Variants in UNC13A observed in about 807,000 individuals in gnomAD.
UNC13A encodes unc-13 homolog A, also known as protein unc-13 homolog A.
UNC13A carries 61 observed loss-of-function variants against 219.7 expected under a neutral mutation model. That is an observed-to-expected ratio of 0.28 (90% confidence interval 0.23 to 0.34). The LOEUF is 0.34. Among genes scored for constraint, UNC13A ranks in the 10% least tolerant of loss-of-function variants. UNC13A has a pLI of 1.00. For synonymous variants in UNC13A, 920 were observed against 884.6 expected, an observed-to-expected ratio of 1.04 and a Z score of -0.71; for missense variants, 1,476 against 2,270.3, an observed-to-expected ratio of 0.65 and a Z score of 7.11.
chr19:17,622,277 A>G (rs1450821098), intron 36 of UNC13A, among the ~76,000 whole-genome samples: 1 of 152,192 alleles, frequency 6.6e-6, no homozygotes, highest in African/African-American at 2.4e-5. Context: ...ATTCTGGCAT[A>G]TATTTACTAT....
chr19:17,608,351 T>A (rs938076689), intron 43 of UNC13A, among the ~76,000 whole-genome samples: 3 of 119,648 alleles, frequency 2.5e-5, no homozygotes, highest in Admixed American at 1.0e-4. Context: ...TAATTTTATA[T>A]ATAATATAAA....
chr19:17,630,716 C>T lies in UNC13A; in HGVS notation c.3463G>A (p.Glu1155Lys). 6.2e-7 allele frequency: 1 copy of T among 1,613,902 alleles called. No homozygotes were observed. The highest frequency in any genetic ancestry group is 8.5e-7 in the Non-Finnish European group (1 of 1,179,876). The change falls in exon 29 of 44, where the codon GAG (glutamate) becomes AAG (lysine). Residue 1155 changes from glutamate to lysine, a missense_variant. Coordinates refer to ENST00000519716, the MANE Select transcript of UNC13A (RefSeq NM_001080421.3). ...AAATCCCGGGACACCTCCTCATTCT[C>T]ATCCAGCCACTGGATGACGAAGGGT... ...FEPFVIQWLD[E>K]NEEVSRDFLH...
chr19:17,664,179 A>T (rs1272079536), intron 7 of UNC13A, among the ~76,000 whole-genome samples: 3 of 152,032 alleles, frequency 2.0e-5, no homozygotes, highest in Non-Finnish European at 2.9e-5. Context: ...TCTGACTATG[A>T]TGTCTAGGGT....
Position 17,674,609 on chromosome 19 carries a change from G to T in UNC13A, c.152+48C>A. On this transcript the variant is annotated intron_variant, in intron 3 of 43. Coordinates refer to ENST00000519716, the MANE Select transcript of UNC13A (RefSeq NM_001080421.3). This position sits in a 1 kb window ranked among gnomAD's most constrained non-coding sequence, Gnocchi z 5.0. ...CTCTGCCCTGAGGGGCCAGCGAGGT[G>T]CTGGGCTATGCCAGGGAGTGAGGTC... 6.4e-7 allele frequency: 1 copy of T among 1,561,242 alleles called. No individual in the cohort carries two copies. Among genetic ancestry groups the T allele is most frequent in the Non-Finnish European group, 8.8e-7 (1 of 1,134,478 alleles).
chr19:17,624,928 A>G lies in UNC13A; in HGVS notation c.4098T>C (p.Cys1366=). The G allele has an allele frequency of 6.2e-7, 1 of 1,613,678 alleles. No homozygotes were observed. The highest frequency in any genetic ancestry group is 1.3e-5 in the African/African-American group (1 of 75,030). The change falls in exon 35 of 44, where the codon TGT becomes TGC. Residue 1366 remains cysteine, a synonymous_variant. Transcript: ENST00000519716. ...DSNLTLFAKI[C]EKTVLKRVLK... ...GCACTCGCTTCAGCACAGTCTTCTC[A>G]CAGATTTTGGCAAAGAGGGTCAGGC...
intron 37 of UNC13A, among the ~76,000 whole-genome samples, chr19:17,621,192 C>G (rs2076726341): frequency 6.6e-6 from 1 of 152,144 alleles, no homozygotes; most frequent in Non-Finnish European, 1.5e-5. Context: ...GGCACGTACA[C>G]AATTATATCA....
chr19:17,664,870 G>A (rs10421106), intron 7 of UNC13A, among the ~76,000 whole-genome samples: 37,821 of 152,066 alleles, frequency 0.25, 5,558 homozygotes, highest in African/African-American at 0.41. Flanking sequence ...GATACAGGGA[G>A]AGCTGTGAGA....
At chr19:17,669,873 CT>C (rs2079747042) in intron 4 of UNC13A, among the ~76,000 whole-genome samples, 197 bp from the exon 5 acceptor site, 1 of 139,764 alleles carries the variant, frequency 7.2e-6, no homozygotes, top group Non-Finnish European at 1.6e-5. Flanking sequence ...TCCTTTCTTT[CT>C]TTCCCTTCCT....
chr19:17,645,746 CAG>C lies in UNC13A; in HGVS notation c.2282_2283del (p.Ser761Ter). The C allele has an allele frequency of 6.2e-7, 1 of 1,614,224 alleles. No individual in the cohort carries two copies. The highest frequency in any genetic ancestry group is 8.5e-7 in the Non-Finnish European group (1 of 1,180,034). ...ATGATCGTCTGCCCCAGGAAATCGTCAGATTCCCTCTTGAACCTCTGTTTCAC... is the reference window on the plus strand; with the variant it reads ...ATGATCGTCTGCCCCAGGAAATCGTCATTCCCTCTTGAACCTCTGTTTCAC... Reference protein sequence around the residue: ...SRVKQRFKRESDDFLGQTIIE... With the variant: ...SRVKQRFKREXDDFLGQTIIE... On this transcript the variant is annotated frameshift_variant, in exon 19 of 44. Coordinates refer to ENST00000519716, the MANE Select transcript of UNC13A (RefSeq NM_001080421.3). LOFTEE classifies it high-confidence loss of function.
chr19:17,641,603 C>A (rs772676008), intron 20 of UNC13A, 47 bp from the exon 21 acceptor site: 11 of 1,594,204 alleles, frequency 6.9e-6, no homozygotes, highest in Non-Finnish European at 9.4e-6. Context: ...AAGGGGTCGC[C>A]GGGGGTCAGA....
At chr19:17,644,765 C>T (rs977174276) in intron 19 of UNC13A, among the ~76,000 whole-genome samples, 11 of 152,122 alleles carry the variant, frequency 7.2e-5, no homozygotes, top group Admixed American at 5.2e-4. Flanking sequence ...GATCACAGCT[C>T]ACTGCAGCCT....
intron 42 of UNC13A, among the ~76,000 whole-genome samples, chr19:17,610,508 C>CA (rs1212621661): frequency 4.6e-5 from 7 of 152,222 alleles, no homozygotes; most frequent in Non-Finnish European, 1.0e-4. Context: ...CGCCCGCCGC[C>CA]AAAAACCCTG....
intron 1 of UNC13A, among the ~76,000 whole-genome samples, chr19:17,684,610 C>CA (rs2080076157): frequency 1.3e-5 from 2 of 152,294 alleles, no homozygotes; most frequent in African/African-American, 4.8e-5. Context: ...ATGAAGCGGG[C>CA]AGAGATAAGG....
At chr19:17,638,625 C>T (rs988328100) in intron 25 of UNC13A, among the ~76,000 whole-genome samples, 21 of 151,910 alleles carry the variant, frequency 1.4e-4, no homozygotes, top group African/African-American at 4.4e-4. Flanking sequence ...TCAAGGAGTT[C>T]GAGACCAGCC....
rs145013574 is a variant in UNC13A, at chr19:17,631,073, CTCCTTCCTTCCT to C, written c.3429-335_3429-324del. Among the ~76,000 whole-genome samples, 753 of 112,742 alleles carry C rather than the reference CTCCTTCCTTCCT, an allele frequency of 6.7e-3. 4 individuals carry two copies. The highest frequency in any genetic ancestry group is 9.9e-3 in the Non-Finnish European group (547 of 55,292). 74.0% of individuals were successfully genotyped at this position (112,742 alleles called of 152,430 possible). A position where few individuals can be genotyped will look rare whatever the true frequency, so the allele number is the denominator to read the frequency against. On this transcript the variant is annotated intron_variant, in intron 28 of 43. Coordinates refer to ENST00000519716, the MANE Select transcript of UNC13A (RefSeq NM_001080421.3). ...CGTCCATCCTTCCCTCCCTCCCTCC[CTCCTTCCTTCCT>C]TCCTTCCTTCCTTCCTTCTTCAGAT...
intron 17 of UNC13A, 38 bp downstream of exon 17, chr19:17,647,227 G>C (rs2077036804): frequency 6.5e-7 from 1 of 1,529,194 alleles, no homozygotes; most frequent in Non-Finnish European, 8.8e-7. Flanking sequence ...TCAGAGGGTG[G>C]AGAAGGAGGG....
intron 37 of UNC13A, 73 bp downstream of exon 37, chr19:17,621,759 C>T: frequency 6.5e-7 from 1 of 1,540,144 alleles, no homozygotes; most frequent in South Asian, 1.1e-5. Flanking sequence ...CCCAGGTGCA[C>T]AGACGCACAC....
At position 17,688,226 on chromosome 19, in the gene UNC13A, G is replaced by A. The variant is rs1295981575; in HGVS notation, c.-27C>T. The A allele has an allele frequency of 3.4e-6, 5 of 1,492,076 alleles. No homozygotes were observed. Among genetic ancestry groups the A allele is most frequent in the South Asian group, 1.3e-5 (1 of 77,940 alleles). 92.4% of individuals were successfully genotyped at this position (1,492,076 alleles called of 1,614,324 possible). A position where few individuals can be genotyped will look rare whatever the true frequency, so the allele number is the denominator to read the frequency against. ...TCTCCGAGCTCGCAGGTGGGCCGGA[G>A]GCGGCCGGGCCGGCTCTGTCGGGTC... On this transcript the variant is annotated 5_prime_UTR_variant, in exon 1 of 44. Transcript: ENST00000519716.
At chr19:17,651,745 A>C (rs11672388) in intron 12 of UNC13A, among the ~76,000 whole-genome samples, 102,987 of 151,788 alleles carry the variant, frequency 0.68, 35,851 homozygotes, top group African/African-American at 0.85. Context: ...GCATTTCAGG[A>C]CCCGCATCCA....
Sources: gnomAD v4.1 joint callset for allele counts (sites outside exome capture counted in the v4.1 genomes callset) on GRCh38, gnomAD v4.1.1 for gene constraint, Gnocchi (gnomAD v3.1) non-coding constraint, MANE v1.5 for transcripts, NCBI Gene and HGNC (gene_info 2026-07-23, HGNC 2026-07-21) for gene names.